GHR: variants seen among roughly 807,000 people sequenced by gnomAD.
GHR encodes the protein growth hormone receptor, also known as GH receptor.
Under a neutral mutation model 67.1 loss-of-function variants are expected in GHR, and 35 were observed. That is an observed-to-expected ratio of 0.52 (90% CI 0.40 to 0.69). The LOEUF (loss-of-function observed/expected upper bound fraction) is 0.69, where lower values mean the gene tolerates loss of function less well. GHR is among the 30% of genes least tolerant of loss of function. GHR has a pLI of 0.00. For missense variants in GHR, 792 were observed against 764.6 expected (o/e 1.04, Z -0.42); for synonymous variants, 272 against 269.1 (o/e 1.01, Z -0.10).
intron 2 of GHR, among the ~76,000 whole-genome samples, chr5:42,602,301 A>T (rs1752415815): frequency 6.6e-6 from 1 of 152,118 alleles, no homozygotes; most frequent in Non-Finnish European, 1.5e-5. Flanking sequence ...ACTTTGTACC[A>T]TTTGAACTAC....
chr5:42,662,292 C>T (rs1301831717), intron 3 of GHR, among the ~76,000 whole-genome samples: 3 of 152,190 alleles, frequency 2.0e-5, no homozygotes, highest in Admixed American at 1.3e-4. Context: ...CACAAATCAA[C>T]AGAATATACA....
intron 2 of GHR, among the ~76,000 whole-genome samples, chr5:42,576,104 A>AAAATAAAATAAAATAAAATAAATAAAAT (rs1561135773): frequency 1.3e-5 from 1 of 79,542 alleles, no homozygotes; most frequent in Non-Finnish European, 2.5e-5. Context: ...TAAAATAAAT[A>AAAATAAAATAAAATAAAATAAATAAAAT]AAATAAAATA....
At chr5:42,618,635 T>C (rs112111884) in intron 2 of GHR, among the ~76,000 whole-genome samples, 6 of 152,276 alleles carry the variant, frequency 3.9e-5, no homozygotes, top group African/African-American at 1.4e-4. Context: ...GAGTGACATA[T>C]ATAATAAATA....
At chr5:42,465,858 C>A (rs1744706195) in intron 1 of GHR, 3 of 743,574 alleles carry the variant, frequency 4.0e-6, no homozygotes, top group South Asian at 3.0e-5. Context: ...AGTCTATCAA[C>A]TGAAAATTCG....
At chr5:42,686,232 G>C (rs1757133095) in intron 3 of GHR, among the ~76,000 whole-genome samples, 1 of 152,144 alleles carries the variant, frequency 6.6e-6, no homozygotes, top group Non-Finnish European at 1.5e-5. Flanking sequence ...TGTCAGGTTT[G>C]TCAAAGATCA....
At chr5:42,443,276 C>T (rs1743659400) in intron 1 of GHR, among the ~76,000 whole-genome samples, 3 of 152,190 alleles carry the variant, frequency 2.0e-5, no homozygotes, top group Non-Finnish European at 4.4e-5. Flanking sequence ...TTACTTGGAA[C>T]TCAGTGAGAA....
At chr5:42,679,154 T>TA (rs1756724879) in intron 3 of GHR, among the ~76,000 whole-genome samples, 1 of 145,758 alleles carries the variant, frequency 6.9e-6, no homozygotes, top group Admixed American at 7.0e-5. Context: ...ATATTGTATA[T>TA]TATATATTAA....
chr5:42,651,189 G>T (rs1755002650), intron 3 of GHR, among the ~76,000 whole-genome samples: 1 of 152,094 alleles, frequency 6.6e-6, no homozygotes, highest in South Asian at 2.1e-4. Context: ...TTCCTCTAAG[G>T]TGTACTTGGT....
chr5:42,534,593 T>C (rs1487368915), intron 1 of GHR, among the ~76,000 whole-genome samples: 1 of 151,942 alleles, frequency 6.6e-6, no homozygotes, highest in Admixed American at 6.6e-5. Flanking sequence ...GGTTCCATGA[T>C]TTTTCAATTG....
At chr5:42,661,023 A>C (rs1755582267) in intron 3 of GHR, among the ~76,000 whole-genome samples, 1 of 152,226 alleles carries the variant, frequency 6.6e-6, no homozygotes, top group African/African-American at 2.4e-5. Context: ...GGAATATGAA[A>C]TGAATGAAAT....
chr5:42,563,853 G>A (rs1749771831), intron 1 of GHR, among the ~76,000 whole-genome samples: 1 of 152,064 alleles, frequency 6.6e-6, no homozygotes, highest in East Asian at 1.9e-4. Flanking sequence ...GTTACCAACA[G>A]GATGGCATTT....
intron 1 of GHR, chr5:42,565,540 A>G (rs1278230575): frequency 2.0e-6 from 2 of 985,376 alleles, no homozygotes; most frequent in South Asian, 9.4e-5. Context: ...AGCAAACCTT[A>G]CTGGCCCTGT....
chr5:42,527,249 G>A (rs781012767), intron 1 of GHR, among the ~76,000 whole-genome samples: 4 of 152,216 alleles, frequency 2.6e-5, no homozygotes, highest in South Asian at 2.1e-4. Context: ...ATGTAAATGG[G>A]CTAAATGCCT....
chr5:42,469,214 T>G (rs530574812), intron 1 of GHR, among the ~76,000 whole-genome samples: 118 of 152,340 alleles, frequency 7.7e-4, no homozygotes, highest in African/African-American at 2.6e-3. Flanking sequence ...TTCACTGGAA[T>G]AGGTGGGTCC....
intron 1 of GHR, among the ~76,000 whole-genome samples, chr5:42,472,774 G>A (rs1431726562): frequency 1.3e-5 from 2 of 152,156 alleles, no homozygotes; most frequent in Non-Finnish European, 2.9e-5. Flanking sequence ...GATGTGTTTA[G>A]GTGGGGCCAG....
chr5:42,537,170 G>A (rs566852060), intron 1 of GHR, among the ~76,000 whole-genome samples: 1 of 151,670 alleles, frequency 6.6e-6, no homozygotes, highest in Non-Finnish European at 1.5e-5. Flanking sequence ...GTTCTTCTCT[G>A]TTCTTGGTTA....
At chr5:42,449,385 T>C (rs1743950864) in intron 1 of GHR, among the ~76,000 whole-genome samples, 1 of 152,170 alleles carries the variant, frequency 6.6e-6, no homozygotes, top group South Asian at 2.1e-4. Context: ...ATTTTATTTT[T>C]ATTTTTGCAG....
intron 6 of GHR, among the ~76,000 whole-genome samples, chr5:42,704,839 C>CTA (rs1329854441): frequency 6.6e-6 from 1 of 151,886 alleles, no homozygotes; most frequent in Admixed American, 6.6e-5. Flanking sequence ...ATTTGTATTT[C>CTA]TATGGTATTG....
rs1742772890 is a variant in GHR at position 42,424,729 on chromosome 5, G to C, written c.-12+774G>C. The C allele has an allele frequency of 2.0e-6, 2 of 976,926 alleles. No individual in the cohort carries two copies. Among genetic ancestry groups the C allele is most frequent in the Middle Eastern group, 2.1e-4 (1 of 4,654 alleles). The allele number at this position is 976,926 out of a possible 1,614,324, so 60.5% of individuals were successfully genotyped here. ...TCAATGGGGTGGCCGCGTGTCTAGG[G>C]AGAGGGCGCTGGCGGCGCAGAGGGT... On this transcript the variant is annotated intron_variant, in intron 1 of 9. Coordinates refer to ENST00000230882, the MANE Select transcript of GHR (RefSeq NM_000163.5). The surrounding 1 kb of genome is among the most constrained non-coding windows in gnomAD (Gnocchi z 4.1).
Sources: allele counts gnomAD v4.1 joint callset (sites outside exome capture counted in the v4.1 genomes callset), GRCh38; gene constraint gnomAD v4.1.1; non-coding constraint Gnocchi (gnomAD v3.1); transcripts MANE v1.5; gene names NCBI Gene and HGNC (gene_info 2026-07-23, HGNC 2026-07-21).